The following OSBPL3 variants were observed in gnomAD, a reference collection of about 807,000 sequenced individuals.
OSBPL3 encodes oxysterol binding protein like 3.
OSBPL3 carries 65 observed loss-of-function variants against 120.1 expected under a neutral mutation model. The observed-to-expected ratio is 0.54, with a 90% CI of 0.44 to 0.67. The LOEUF (loss-of-function observed/expected upper bound fraction) is 0.67. Among genes scored for constraint, OSBPL3 ranks in the 30% least tolerant of loss-of-function variants. The probability of loss-of-function intolerance (pLI) is 0.00; values close to 1 mark genes in which losing one functional copy is unlikely to be tolerated. For synonymous variants in OSBPL3, 416 were observed against 402.6 expected (o/e 1.03, Z -0.40); for missense variants, 1,004 against 1,082.1 (o/e 0.93, Z 1.01).
intron 2 of OSBPL3, among the ~76,000 whole-genome samples, chr7:24,887,032 T>C (rs1038478061): frequency 2.2e-4 from 33 of 152,222 alleles, no homozygotes; most frequent in African/African-American, 7.2e-4. Context: ...ATGTAAATGA[T>C]TTACAATGAG....
intron 1 of OSBPL3, 95 bp downstream of exon 1, chr7:24,979,791 C>A: frequency 1.4e-6 from 1 of 693,502 alleles, no homozygotes; most frequent in Non-Finnish European, 1.8e-6. Flanking sequence ...GGCAGAGAAC[C>A]GCGGCGCCCC....
In OSBPL3 at chr7:24,849,287, C is replaced by T. The variant is rs113826613; in HGVS notation, c.1159-111G>A. ...AAGAGCTTGATGAAACTCTTAGTGA[C>T]GTGGTCTGACAGCGCACTTTCTGGA... On this transcript the variant is annotated intron_variant, in intron 11 of 22. Transcript: ENST00000313367. This position sits in a 1 kb window ranked among gnomAD's most constrained non-coding sequence, Gnocchi z 5.4. 22 of 746,350 alleles carry T rather than the reference C, an allele frequency of 2.9e-5. No homozygotes were observed. Among genetic ancestry groups the T allele is most frequent in the African/African-American group, 1.6e-4 (9 of 56,696 alleles). The allele number at this position is 746,350 out of a possible 1,614,324, so 46.2% of individuals were successfully genotyped here.
chr7:24,960,977 A>C (rs1815664568), intron 1 of OSBPL3, among the ~76,000 whole-genome samples: 1 of 152,236 alleles, frequency 6.6e-6, no homozygotes, highest in Non-Finnish European at 1.5e-5. Context: ...AGGTAGCAAC[A>C]AGGAAAACCA....
chr7:24,951,761 T>C (rs1218864620), intron 1 of OSBPL3, among the ~76,000 whole-genome samples: 3 of 152,214 alleles, frequency 2.0e-5, no homozygotes, highest in African/African-American at 4.8e-5. Flanking sequence ...ATGATCCTCA[T>C]AGCTTGCAAG....
In OSBPL3 at chr7:24,805,881, G is replaced by A. The variant is rs1297966955; in HGVS notation, c.2444+895C>T. On this transcript the variant is annotated intron_variant, in intron 21 of 22. Coordinates refer to ENST00000313367, the MANE Select transcript of OSBPL3 (RefSeq NM_015550.4). This position sits in a 1 kb window ranked among gnomAD's most constrained non-coding sequence, Gnocchi z 4.0. Reference sequence around the variant, plus strand: ...AATTCATGACATGAGTTGCAGATACGGACTTCTCCGTTTGTCATTTATCTT... The same window carrying A: ...AATTCATGACATGAGTTGCAGATACAGACTTCTCCGTTTGTCATTTATCTT... Among the ~76,000 whole-genome samples, 3 of 152,094 alleles carry A rather than the reference G, an allele frequency of 2.0e-5. No individual in the cohort carries two copies. The highest frequency in any genetic ancestry group is 2.1e-4 in the South Asian group (1 of 4,816).
Position 24,872,536 on chromosome 7 carries a change from CA to C in OSBPL3, c.97-468del, listed in dbSNP as rs1395671165. Among the ~76,000 whole-genome samples, 6 of 150,210 alleles carry C rather than the reference CA, an allele frequency of 4.0e-5. No individual in the cohort carries two copies. The highest frequency in any genetic ancestry group is 1.5e-4 in the African/African-American group (6 of 40,640). On this transcript the variant is annotated intron_variant, in intron 2 of 22. Transcript: ENST00000313367. The surrounding 1 kb of genome is among the most constrained non-coding windows in gnomAD (Gnocchi z 4.1). Reference sequence around the variant, plus strand: ...TAAGAATTGGCTGAACAGTATGAGACAATGCAAATCAGTAAATATGACAACT... The same window carrying C: ...TAAGAATTGGCTGAACAGTATGAGACATGCAAATCAGTAAATATGACAACT...
rs1803337888 is a variant in OSBPL3 at position 24,879,463 on chromosome 7, G to T, written c.97-7394C>A. On this transcript the variant is annotated intron_variant, in intron 2 of 22. Coordinates refer to ENST00000313367, the MANE Select transcript of OSBPL3 (RefSeq NM_015550.4). The surrounding 1 kb of genome is among the most constrained non-coding windows in gnomAD (Gnocchi z 5.6). ...CTCTCCAACCTCAGGCCAGAGCTAGGGAAGTGAATATCCAGATAATTCAGG... is the reference window on the plus strand; with the variant it reads ...CTCTCCAACCTCAGGCCAGAGCTAGTGAAGTGAATATCCAGATAATTCAGG... 6.6e-6 allele frequency among the ~76,000 whole-genome samples: 1 copy of T among 152,154 alleles called. No homozygotes were observed. The highest frequency in any genetic ancestry group is 1.5e-5 in the Non-Finnish European group (1 of 68,014).
chr7:24,960,205 C>T (rs947678841), intron 1 of OSBPL3, among the ~76,000 whole-genome samples: 2 of 152,092 alleles, frequency 1.3e-5, no homozygotes, highest in South Asian at 4.1e-4. Context: ...TCAATGGCAA[C>T]TGCAGGTGTC....
At chr7:24,865,278 G>A in intron 7 of OSBPL3, 64 bp downstream of exon 7, 5 of 1,545,222 alleles carry the variant, frequency 3.2e-6, no homozygotes, top group South Asian at 2.3e-5. Context: ...AATCTGAAGT[G>A]TAAACATCAA....
At chr7:24,832,271 G>A (rs1226794348) in intron 15 of OSBPL3, among the ~76,000 whole-genome samples, 4 of 151,162 alleles carry the variant, frequency 2.6e-5, no homozygotes, top group Admixed American at 6.6e-5. Flanking sequence ...CAGCACTTTG[G>A]GAGGCCGAGG....
rs999254271 is a variant in OSBPL3, at chr7:24,797,745, A to G, written c.*2438T>C. 6.6e-6 allele frequency: 1 copy of G among 152,152 alleles called. No homozygotes were observed. Among genetic ancestry groups the G allele is most frequent in the African/African-American group, 2.4e-5 (1 of 41,430 alleles). The allele number at this position is 152,152 out of a possible 1,614,324, so 9.4% of individuals were successfully genotyped here. On this transcript the variant is annotated 3_prime_UTR_variant, in exon 23 of 23. Coordinates refer to ENST00000313367, the MANE Select transcript of OSBPL3 (RefSeq NM_015550.4). This position sits in a 1 kb window ranked among gnomAD's most constrained non-coding sequence, Gnocchi z 4.8. ...TGGATGGAATAATTAGAAAAAAAAA[A>G]GAGGTTAAAACATGTAACTCAAATG...
chr7:24,856,737 A>T (rs1268194788), intron 10 of OSBPL3, among the ~76,000 whole-genome samples: 1 of 152,194 alleles, frequency 6.6e-6, no homozygotes, highest in African/African-American at 2.4e-5. Flanking sequence ...AGCACCTAAC[A>T]AACAGTGAGA....
At chr7:24,945,413 G>T (rs1428816189) in intron 1 of OSBPL3, among the ~76,000 whole-genome samples, 1 of 152,146 alleles carries the variant, frequency 6.6e-6, no homozygotes, top group Non-Finnish European at 1.5e-5. Context: ...ATTATTCTAG[G>T]AATTGGAGAT....
At position 24,852,755 on chromosome 7, in the gene OSBPL3, T is replaced by C; in HGVS notation, c.1028-121A>G. ...GTAACAGCCCTGAATATTTTGAGTA[T>C]AGCAAATGTACATTCTACCTTGACT... On this transcript the variant is annotated intron_variant, in intron 10 of 22. Coordinates refer to ENST00000313367, the MANE Select transcript of OSBPL3 (RefSeq NM_015550.4). This position sits in a 1 kb window ranked among gnomAD's most constrained non-coding sequence, Gnocchi z 4.1. 2 of 646,044 alleles carry C rather than the reference T, an allele frequency of 3.1e-6. No individual in the cohort carries two copies. Among genetic ancestry groups the C allele is most frequent in the Non-Finnish European group, 2.5e-6 (1 of 401,280 alleles). 40.0% of individuals were successfully genotyped at this position (646,044 alleles called of 1,614,324 possible).
intron 19 of OSBPL3, among the ~76,000 whole-genome samples, chr7:24,811,483 G>A (rs1793790000): frequency 6.6e-6 from 1 of 152,072 alleles, no homozygotes; most frequent in Non-Finnish European, 1.5e-5. Flanking sequence ...TGTATTGATT[G>A]TTTCCTTTGC....
rs1016101111 is a variant in OSBPL3 at position 24,867,240 on chromosome 7, C to T, written c.382-1003G>A. Reference sequence around the variant, plus strand: ...TCTATCCCTACTGAAAATATTAGCACCATTTTTCTTTTTAAACTCTTTTAT... The same window carrying T: ...TCTATCCCTACTGAAAATATTAGCATCATTTTTCTTTTTAAACTCTTTTAT... On this transcript the variant is annotated intron_variant, in intron 5 of 22. Coordinates refer to ENST00000313367, the MANE Select transcript of OSBPL3 (RefSeq NM_015550.4). The surrounding 1 kb of genome is among the most constrained non-coding windows in gnomAD (Gnocchi z 4.5). 6.6e-6 allele frequency among the ~76,000 whole-genome samples: 1 copy of T among 152,204 alleles called. No individual in the cohort carries two copies. Among genetic ancestry groups the T allele is most frequent in the Non-Finnish European group, 1.5e-5 (1 of 68,038 alleles).
rs577528507 is a variant in OSBPL3 at position 24,895,762 on chromosome 7, G to T, written c.-149-3141C>A. ...CCATGGAAAACCTCTAATTCAAAGG[G>T]TTTATGGGTTTCAACAATATATGAT... On this transcript the variant is annotated intron_variant, in intron 1 of 22. Transcript: ENST00000313367. 1.7e-3 allele frequency among the ~76,000 whole-genome samples: 258 copies of T among 152,208 alleles called. 1 individual carries two copies. The highest frequency in any genetic ancestry group is 5.9e-3 in the African/African-American group (244 of 41,510).
rs888586786 is a variant in OSBPL3 at position 24,953,454 on chromosome 7, A to G, written c.-150+26432T>C. On this transcript the variant is annotated intron_variant, in intron 1 of 22. Coordinates refer to ENST00000313367, the MANE Select transcript of OSBPL3 (RefSeq NM_015550.4). The surrounding 1 kb of genome is among the most constrained non-coding windows in gnomAD (Gnocchi z 4.3). ...AAAGTATTGTGTTAAAAAAAAAAGT[A>G]TTACGTATCTGCTGAATTGTAATCA... 1.7e-4 allele frequency among the ~76,000 whole-genome samples: 26 copies of G among 152,214 alleles called. No homozygotes were observed. The highest frequency in any genetic ancestry group is 6.3e-4 in the African/African-American group (26 of 41,454).
Position 24,922,856 on chromosome 7 carries a change from G to T in OSBPL3, c.-149-30235C>A, listed in dbSNP as rs577028586. Among the ~76,000 whole-genome samples, 2 of 151,988 alleles carry T rather than the reference G, an allele frequency of 1.3e-5. No individual in the cohort carries two copies. Reference sequence around the variant, plus strand: ...ACCACCCTCTCAGGGAGAACCACAGGGCTAATTCTGATTCCAAAGCAAGCT... The same window carrying T: ...ACCACCCTCTCAGGGAGAACCACAGTGCTAATTCTGATTCCAAAGCAAGCT... On this transcript the variant is annotated intron_variant, in intron 1 of 22. Coordinates refer to ENST00000313367, the MANE Select transcript of OSBPL3 (RefSeq NM_015550.4). This position sits in a 1 kb window ranked among gnomAD's most constrained non-coding sequence, Gnocchi z 4.3.
Sources: allele counts gnomAD v4.1 joint callset (sites outside exome capture counted in the v4.1 genomes callset), GRCh38; gene constraint gnomAD v4.1.1; non-coding constraint Gnocchi (gnomAD v3.1); transcripts MANE v1.5; gene names NCBI Gene and HGNC (gene_info 2026-07-23, HGNC 2026-07-21).